Variants in PXDNL observed in about 807,000 individuals in gnomAD.
The protein encoded by PXDNL is peroxidasin like, also known as probable oxidoreductase PXDNL.
In PXDNL, 145 loss-of-function variants were observed where a neutral mutation model predicts 150.8. The observed-to-expected ratio is 0.96, with a 90% confidence interval of 0.84 to 1.10. PXDNL has a LOEUF of 1.10. Ranked by LOEUF, PXDNL falls within the 50% of genes least tolerant of loss-of-function variation. PXDNL has a pLI of 0.00. For synonymous variants in PXDNL, 757 were observed against 725.7 expected (o/e 1.04, Z -0.69); for missense variants, 2,087 against 1,873.9 (o/e 1.11, Z -2.10).
intron 17 of PXDNL, among the ~76,000 whole-genome samples, chr8:51,395,568 T>G (rs1463401847): frequency 6.6e-6 from 1 of 152,130 alleles, no homozygotes; most frequent in Non-Finnish European, 1.5e-5. Context: ...CAACCAATAT[T>G]TTTTAAGTAT....
intron 2 of PXDNL, among the ~76,000 whole-genome samples, chr8:51,603,444 A>T (rs1813770696): frequency 6.6e-6 from 1 of 151,970 alleles, no homozygotes; most frequent in South Asian, 2.1e-4. Flanking sequence ...GTAGTTCTTA[A>T]TGAGTCTATT....
chr8:51,629,152 G>A (rs1814433417), intron 2 of PXDNL, among the ~76,000 whole-genome samples: 2 of 151,996 alleles, frequency 1.3e-5, no homozygotes, highest in Admixed American at 6.6e-5. Flanking sequence ...GGAAACTGGA[G>A]AACAATGTAT....
intron 1 of PXDNL, among the ~76,000 whole-genome samples, chr8:51,664,118 G>A (rs1012679460): frequency 4.6e-5 from 7 of 151,916 alleles, no homozygotes; most frequent in Middle Eastern, 3.4e-3. Context: ...GAACGTTGCA[G>A]TGGGAGAAGG....
At chr8:51,705,486 T>C (rs1816357660) in intron 1 of PXDNL, among the ~76,000 whole-genome samples, 1 of 152,124 alleles carries the variant, frequency 6.6e-6, no homozygotes, top group Non-Finnish European at 1.5e-5. Context: ...CTCATGGTCA[T>C]CTAAACAGTA....
chr8:51,565,741 G>A (rs1227520699), intron 3 of PXDNL, among the ~76,000 whole-genome samples: 3 of 151,628 alleles, frequency 2.0e-5, no homozygotes, highest in African/African-American at 4.8e-5. Flanking sequence ...TGCATCAGGT[G>A]AATACATATA....
intron 6 of PXDNL, among the ~76,000 whole-genome samples, chr8:51,480,948 A>G (rs1299693857): frequency 6.6e-6 from 1 of 152,194 alleles, no homozygotes; most frequent in African/African-American, 2.4e-5. Context: ...ATAAGAACAG[A>G]CTAATATAAT....
intron 2 of PXDNL, among the ~76,000 whole-genome samples, chr8:51,645,834 G>A (rs1814907905): frequency 2.0e-5 from 3 of 152,112 alleles, no homozygotes; most frequent in African/African-American, 7.2e-5. Flanking sequence ...ACGTGAAATC[G>A]CAGTTCAAAG....
At chr8:51,555,403 T>G (rs1317988945) in intron 4 of PXDNL, among the ~76,000 whole-genome samples, 1 of 152,212 alleles carries the variant, frequency 6.6e-6, no homozygotes, top group African/African-American at 2.4e-5. Context: ...GCAATTAAAT[T>G]TCAGCATGAG....
chr8:51,667,244 G>A (rs993189901), intron 1 of PXDNL, among the ~76,000 whole-genome samples: 1 of 152,110 alleles, frequency 6.6e-6, no homozygotes, highest in Admixed American at 6.5e-5. Flanking sequence ...TAAGTGCCCC[G>A]ACAGCCCACA....
At chr8:51,338,103 C>T (rs1373625069) in intron 21 of PXDNL, among the ~76,000 whole-genome samples, 1 of 144,194 alleles carries the variant, frequency 6.9e-6, no homozygotes, top group Non-Finnish European at 1.5e-5. Context: ...TACTTGAGCC[C>T]GGGAGGCAGA....
chr8:51,714,088 T>C (rs1190780955), intron 1 of PXDNL, among the ~76,000 whole-genome samples: 1 of 152,208 alleles, frequency 6.6e-6, no homozygotes, highest in Non-Finnish European at 1.5e-5. Flanking sequence ...TACATTGAGT[T>C]CAACTCCTTT....
At chr8:51,450,469 C>A (rs1300870846) in intron 10 of PXDNL, among the ~76,000 whole-genome samples, 2 of 152,216 alleles carry the variant, frequency 1.3e-5, no homozygotes, top group Admixed American at 6.5e-5. Context: ...CAAATCATTT[C>A]TCTGCCTTGT....
At chr8:51,343,891 G>A (rs1173131104) in intron 20 of PXDNL, among the ~76,000 whole-genome samples, 1 of 152,134 alleles carries the variant, frequency 6.6e-6, no homozygotes, top group Non-Finnish European at 1.5e-5. Context: ...ATTTAAAAAT[G>A]GTTCTCACTA....
chr8:51,785,803 C>A (rs1400686181), intron 1 of PXDNL, among the ~76,000 whole-genome samples: 4 of 152,204 alleles, frequency 2.6e-5, no homozygotes, highest in Non-Finnish European at 5.9e-5. Flanking sequence ...AACCCTCCCA[C>A]AGCCTGTAAG....
At chr8:51,339,549 T>C (rs1805928913) in intron 21 of PXDNL, 75 bp downstream of exon 21, 1 of 1,405,164 alleles carries the variant, frequency 7.1e-7, no homozygotes, top group South Asian at 1.3e-5. Flanking sequence ...TTGTGGAGAG[T>C]TACTGGACAA....
At chr8:51,684,708 T>C (rs556110238) in intron 1 of PXDNL, among the ~76,000 whole-genome samples, 3 of 152,226 alleles carry the variant, frequency 2.0e-5, no homozygotes, top group East Asian at 3.9e-4. Flanking sequence ...GAAAAGTCAG[T>C]GATTGGAAGC....
intron 4 of PXDNL, among the ~76,000 whole-genome samples, chr8:51,519,526 C>T (rs1295259591): frequency 2.0e-5 from 3 of 150,552 alleles, no homozygotes; most frequent in East Asian, 3.9e-4. Context: ...GAGTGAGACA[C>T]CATCTTAAAA....
At chr8:51,361,937 CAAAAAAAAAAAAAAAAAA>C (rs57092440) in intron 19 of PXDNL, among the ~76,000 whole-genome samples, 3 of 58,052 alleles carry the variant, frequency 5.2e-5, no homozygotes, top group South Asian at 1.0e-3. Flanking sequence ...GATTCCATCT[CAAAAAAAAAAAAAAAAAA>C]AAAAAAAAAA....
intron 4 of PXDNL, among the ~76,000 whole-genome samples, chr8:51,523,882 C>T (rs148696901): frequency 6.6e-6 from 1 of 152,266 alleles, no homozygotes; most frequent in East Asian, 1.9e-4. Flanking sequence ...AGAGAATTCT[C>T]TGATCTTTCA....
Sources: allele counts gnomAD v4.1 joint callset (sites outside exome capture counted in the v4.1 genomes callset), GRCh38; gene constraint gnomAD v4.1.1; transcripts MANE v1.5; gene names NCBI Gene and HGNC (gene_info 2026-07-23, HGNC 2026-07-21).